TENM1: variants seen among roughly 807,000 people sequenced by gnomAD.
TENM1 encodes the protein teneurin-1.
Under a neutral mutation model 174.8 loss-of-function variants are expected in TENM1, and 35 were observed. The observed-to-expected ratio is 0.20, with a 90% CI of 0.15 to 0.27. TENM1 has a LOEUF of 0.27. Among genes scored for constraint, TENM1 ranks in the 10% least tolerant of loss-of-function variants. The pLI is 1.00. For synonymous variants in TENM1, 781 were observed against 798.7 expected, an observed-to-expected ratio of 0.98 and a Z score of 0.37; for missense variants, 1,633 against 2,130.1, an observed-to-expected ratio of 0.77 and a Z score of 4.59.
At chrX:124,541,095 T>C (rs2048309610) in intron 15 of TENM1, among the ~76,000 whole-genome samples, 1 of 112,535 alleles carries the variant, frequency 8.9e-6, no homozygotes, top group African/African-American at 3.2e-5. Context: ...TTTGTTTCTC[T>C]GCTATTTGGA....
chrX:124,939,483 T>C (rs1319266618), intron 1 of TENM1, among the ~76,000 whole-genome samples: 2 of 111,509 alleles, frequency 1.8e-5, no homozygotes, highest in African/African-American at 3.3e-5. Context: ...ATAAGAAAAT[T>C]AAAATTACTG....
chrX:125,175,416 C>CA, the TENM1 span, among the ~76,000 whole-genome samples: 1 of 110,677 alleles, frequency 9.0e-6, no homozygotes, highest in South Asian at 3.8e-4. Flanking sequence ...TAGTCTTATC[C>CA]AAAAAATATT....
chrX:124,429,424 A>G (rs1255185897), intron 23 of TENM1, among the ~76,000 whole-genome samples: 3 of 110,969 alleles, frequency 2.7e-5, no homozygotes, highest in African/African-American at 9.8e-5. Context: ...ATTTAACATA[A>G]TGTGGTTAAG....
At chrX:124,395,671 A>G (rs909910381) in intron 27 of TENM1, among the ~76,000 whole-genome samples, 2 of 111,815 alleles carry the variant, frequency 1.8e-5, no homozygotes, top group Admixed American at 9.5e-5. Context: ...TGTGCACCTA[A>G]AAGGTGATAA....
At chrX:125,020,129 G>A in the TENM1 span, among the ~76,000 whole-genome samples, 1 of 111,030 alleles carries the variant, frequency 9.0e-6, no homozygotes, top group African/African-American at 3.3e-5. Context: ...ACTAGCAGGA[G>A]TAGTGCTCCT....
chrX:124,972,149 C>G, the TENM1 span, among the ~76,000 whole-genome samples: 1 of 108,866 alleles, frequency 9.2e-6, no homozygotes, highest in African/African-American at 3.4e-5. Context: ...AGGAGAATTG[C>G]TTGAACCTGG....
At chrX:124,665,467 A>G (rs941502860) in intron 6 of TENM1, among the ~76,000 whole-genome samples, 4 of 112,883 alleles carry the variant, frequency 3.5e-5, no homozygotes, top group Non-Finnish European at 7.5e-5. Flanking sequence ...CAAAACTCCA[A>G]ACTTATAAGG....
At chrX:125,157,604 C>T in the TENM1 span, among the ~76,000 whole-genome samples, 2 of 111,741 alleles carry the variant, frequency 1.8e-5, no homozygotes, top group Non-Finnish European at 3.8e-5. Context: ...CCCAATAAGT[C>T]GATGTGGTGG....
At chrX:124,510,585 G>T (rs2047557983) in intron 18 of TENM1, among the ~76,000 whole-genome samples, 1 of 111,888 alleles carries the variant, frequency 8.9e-6, no homozygotes, top group African/African-American at 3.2e-5. Context: ...ATATGGGTTG[G>T]TAGAGGGGAC....
the TENM1 span, among the ~76,000 whole-genome samples, chrX:125,026,969 T>C: frequency 9.0e-6 from 1 of 111,485 alleles, no homozygotes; most frequent in South Asian, 3.7e-4. Context: ...GTAAACATAA[T>C]AATCAATGGT....
rs189473442 is a variant in TENM1 at position 124,899,142 on chromosome X, T to C, written c.218-2901A>G. Among the ~76,000 whole-genome samples, 345 of 111,796 alleles carry C rather than the reference T, an allele frequency of 3.1e-3. 4 individuals are homozygous for C. The highest frequency in any genetic ancestry group is 5.5e-3 in the Non-Finnish European group (292 of 53,108). ...GTGCTCAAAATTCCCAAAAGATGCA[T>C]TATCTATAAAGCACTTACAACGCAC... On this transcript the variant is annotated intron_variant, in intron 1 of 31. Coordinates refer to ENST00000422452, the Ensembl canonical transcript of TENM1.
the TENM1 span, among the ~76,000 whole-genome samples, chrX:125,173,235 G>A: frequency 9.0e-6 from 1 of 111,252 alleles, no homozygotes; most frequent in African/African-American, 3.3e-5. Context: ...GTTATCCCAC[G>A]AGAAATATAA....
At chrX:124,382,855 A>C in intron 30 of TENM1, 43 bp from the exon 34 acceptor site, 2 of 1,114,365 alleles carry the variant, frequency 1.8e-6, no homozygotes, top group Non-Finnish European at 1.2e-6. Context: ...AAAATCCCAT[A>C]CTTTATAAGC....
the TENM1 span, among the ~76,000 whole-genome samples, chrX:125,109,677 T>C: frequency 1.8e-5 from 2 of 111,716 alleles, no homozygotes; most frequent in Non-Finnish European, 3.8e-5. Context: ...TGCCCTCCCC[T>C]GTTTGAAATG....
intron 3 of TENM1, among the ~76,000 whole-genome samples, chrX:124,845,434 A>G (rs1009408234): frequency 8.9e-6 from 1 of 111,951 alleles, no homozygotes; most frequent in Non-Finnish European, 1.9e-5. Context: ...TTGAGTAACA[A>G]GATCATGTAG....
chrX:125,112,822 C>T, the TENM1 span, among the ~76,000 whole-genome samples: 14 of 110,847 alleles, frequency 1.3e-4, no homozygotes, highest in Non-Finnish European at 2.6e-4. Context: ...TCTAAATAAA[C>T]GGAGTGATAT....
chrX:125,106,559 G>A, the TENM1 span, among the ~76,000 whole-genome samples: 1 of 110,062 alleles, frequency 9.1e-6, no homozygotes, highest in African/African-American at 3.3e-5. Context: ...ACGGGCGCCC[G>A]CCACCACGCC....
chrX:125,170,611 C>T, the TENM1 span, among the ~76,000 whole-genome samples: 2 of 111,213 alleles, frequency 1.8e-5, no homozygotes, highest in South Asian at 7.5e-4. Flanking sequence ...CTGAAGATTT[C>T]ACGACAGGAA....
chrX:124,723,724 C>T (rs771398076), intron 4 of TENM1, among the ~76,000 whole-genome samples: 3 of 108,481 alleles, frequency 2.8e-5, no homozygotes, highest in Non-Finnish European at 5.7e-5. Flanking sequence ...CCTCAGCCTC[C>T]GGAGTAGCTG....
Sources: allele counts gnomAD v4.1 joint callset (sites outside exome capture counted in the v4.1 genomes callset), GRCh38; gene constraint gnomAD v4.1.1; transcripts MANE v1.5; gene names NCBI Gene and HGNC (gene_info 2026-07-23, HGNC 2026-07-21).